Variants in ZNF629 observed in about 807,000 individuals in gnomAD.
The protein encoded by ZNF629 is DNA-binding protein.
Under a neutral mutation model 59.7 loss-of-function variants are expected in ZNF629, and 9 were observed. The observed-to-expected ratio is 0.15, with a 90% confidence interval of 0.09 to 0.26. The LOEUF (loss-of-function observed/expected upper bound fraction) is 0.26. ZNF629 is among the 10% of genes least tolerant of loss of function. ZNF629 has a pLI of 1.00. For synonymous variants in ZNF629, 509 were observed against 498.9 expected, an observed-to-expected ratio of 1.02 and a Z score of -0.27; for missense variants, 853 against 1,165.4, an observed-to-expected ratio of 0.73 and a Z score of 3.90.
At position 30,783,183 on chromosome 16, in the gene ZNF629, G is replaced by A; in HGVS notation, c.1145C>T (p.Thr382Ile). 1 of 1,608,124 alleles carries A rather than the reference G, an allele frequency of 6.2e-7. No individual in the cohort carries two copies. Reference protein sequence around the residue: ...DPFKCPVCGKTFTLSATLLRH... With the variant: ...DPFKCPVCGKIFTLSATLLRH... ...CAGCAACGTGGCGCTCAGGGTGAAG[G>A]TCTTGCCGCACACTGGGCACTTGAA... The change falls in exon 3 of 3, where the codon ACC becomes ATC. Residue 382 changes from threonine (T) to isoleucine (I), a missense_variant. By Grantham distance (89) the Thr-to-Ile change is moderately conservative. Around this residue, in one of 3 missense-constraint regions of ZNF629, gnomAD observed 201 missense variants for 536.5 expected, o/e 0.37. Coordinates refer to ENST00000262525, the MANE Select transcript of ZNF629 (RefSeq NM_001080417.3).
rs2054289799 is a variant in ZNF629, at chr16:30,782,372, C to G, written c.1956G>C (p.Gln652His). The G allele has an allele frequency of 1.9e-6, 3 of 1,581,632 alleles. No homozygotes were observed. In the African/African-American group the frequency reaches 4.0e-5, roughly 21 times the overall value. The change falls in exon 3 of 3, where the codon CAG becomes CAC. Residue 652 changes from glutamine (Q) to histidine (H), a missense_variant. Coordinates refer to ENST00000262525, the MANE Select transcript of ZNF629 (RefSeq NM_001080417.3). ...TCTTGGAGGACAGCAGCCCCCGCCT[C>G]TGGCTGAAGCCCTCCTGACCCTCCG... Reference protein sequence around the residue: ...KPPEGQEGFSQRRGLLSSKTY... With the variant: ...KPPEGQEGFSHRRGLLSSKTY...
chr16:30,782,306 G>C lies in ZNF629; in HGVS notation c.2022C>G (p.Arg674=). ...CSHCGESFLD[R]SVLLQHQLTH... is the part of the protein sequence containing the mutation. ...TGAGCTGATGCTGGAGGAGCACAGA[G>C]CGATCCAGGAAGCTCTCTCCGCAGT... The change falls in exon 3 of 3, where the codon CGC becomes CGG. Residue 674 remains arginine, a synonymous_variant. Coordinates refer to ENST00000262525, the MANE Select transcript of ZNF629 (RefSeq NM_001080417.3). The C allele has an allele frequency of 2.5e-6, 4 of 1,610,890 alleles. No homozygotes were observed. The South Asian group carries it at 4.4e-5, about 18-fold the overall frequency.
chr16:30,786,404 G>A lies in ZNF629; in HGVS notation c.-34+624C>T, dbSNP rs1002277226. On this transcript the variant is annotated intron_variant, in intron 1 of 2. Transcript: ENST00000262525. The surrounding 1 kb of genome is among the most constrained non-coding windows in gnomAD (Gnocchi z 4.8). ...TCCCCTAGTGGTCCAGAGTAGGAGGGAAAGGGTTAATGACAGGGCCGACAC... is the reference window on the plus strand; with the variant it reads ...TCCCCTAGTGGTCCAGAGTAGGAGGAAAAGGGTTAATGACAGGGCCGACAC... Among the ~76,000 whole-genome samples, 6 of 152,168 alleles carry A rather than the reference G, an allele frequency of 3.9e-5. No homozygotes were observed. The highest frequency in any genetic ancestry group is 2.0e-4 in the Admixed American group (3 of 15,290).
rs377207978 is a variant in ZNF629 at position 30,786,650 on chromosome 16, T to C, written c.-34+378A>G. Among the ~76,000 whole-genome samples the C allele has an allele frequency of 7.6e-6, 1 of 131,358 alleles. No homozygotes were observed. 86.2% of individuals were successfully genotyped at this position (131,358 alleles called of 152,430 possible). ...CCACCGCTTGGCTCCGGACTTCTGC[T>C]CCCCCGGAGCCGCGACCCCCGTCCC... On this transcript the variant is annotated intron_variant, in intron 1 of 2. Transcript: ENST00000262525. The surrounding 1 kb of genome is among the most constrained non-coding windows in gnomAD (Gnocchi z 4.8).
In ZNF629 at chr16:30,781,795, G is replaced by C; in HGVS notation, c.2533C>G (p.Pro845Ala). 6.2e-7 allele frequency: 1 copy of C among 1,611,822 alleles called. No homozygotes were observed. The highest frequency in any genetic ancestry group is 8.5e-7 in the Non-Finnish European group (1 of 1,178,820). Residue 845 changes from proline to alanine, a missense_variant, in exon 3 of 3, where the codon CCC becomes GCC. By Grantham distance (27) the Pro-to-Ala change is conservative. Transcript: ENST00000262525. ...TLVEEKPYLC[P>A]ECGAGFTEVA... ...TCTGTGAAGCCGGCTCCACACTCGG[G>C]GCACAGATAGGGCTTTTCTTCCACT...
In ZNF629 at chr16:30,784,437, C is replaced by T; in HGVS notation, c.46G>A (p.Glu16Lys). 1 of 1,567,172 alleles carries T rather than the reference C, an allele frequency of 6.4e-7. No individual in the cohort carries two copies. Among genetic ancestry groups the T allele is most frequent in the African/African-American group, 1.4e-5 (1 of 73,928 alleles). The change falls in exon 2 of 3, where the codon GAA becomes AAA. Residue 16 changes from glutamate (E) to lysine (K), a missense_variant. Around this residue, in one of 3 missense-constraint regions of ZNF629, gnomAD observed 232 missense variants for 193.4 expected, o/e 1.20. Transcript: ENST00000262525. ...ALWGPDLQGPEQSPNDAHRGA... is the reference protein window; with the variant it reads ...ALWGPDLQGPKQSPNDAHRGA... ...CTGTGAGCATCGTTGGGGCTCTGTT[C>T]CGGACCCTGCAGATCCGGGCCCCAC... is the stretch of plus-strand genomic sequence containing the variant.
Position 30,784,515 on chromosome 16 carries a change from C to G in ZNF629, c.-33G>C. ...CTCAGGACTGCAGTGTTCCAGGGAC[C>G]CTGCGGGGGAAGACAGCGATGAGCG... On this transcript the variant is annotated splice_region_variant and 5_prime_UTR_variant, in exon 2 of 3. Transcript: ENST00000262525. 6.6e-7 allele frequency: 1 copy of G among 1,509,444 alleles called. No individual in the cohort carries two copies. Among genetic ancestry groups the G allele is most frequent in the Non-Finnish European group, 8.8e-7 (1 of 1,131,392 alleles). The allele number at this position is 1,509,444 out of a possible 1,614,324, so 93.5% of individuals were successfully genotyped here. A position where few individuals can be genotyped will look rare whatever the true frequency, so the allele number is the denominator to read the frequency against.
chr16:30,784,316 CT>C (rs2054312074), intron 2 of ZNF629, 62 bp from the exon 3 acceptor site: 1 of 1,553,244 alleles, frequency 6.4e-7, no homozygotes, highest in African/African-American at 1.4e-5. Flanking sequence ...TTTGGTCTCT[CT>C]TCCCTCCCCC....
At chr16:30,785,772 G>A (rs2054326249) in intron 1 of ZNF629, among the ~76,000 whole-genome samples, 1 of 151,948 alleles carries the variant, frequency 6.6e-6, no homozygotes, top group African/African-American at 2.4e-5. Context: ...CCTAGCCCCT[G>A]GAACACCTGT....
rs778979889 is a variant in ZNF629, at chr16:30,783,746, C to T, written c.582G>A (p.Val194=). The T allele has an allele frequency of 3.7e-6, 6 of 1,611,264 alleles. No homozygotes were observed. Among genetic ancestry groups the T allele is most frequent in the East Asian group, 4.5e-5 (2 of 44,682 alleles). ...CGCCGGTGTGCGTGCGCTGGTGCTGCACCAGGTGCGAGCTCTGCGTGAAGC... is the reference window on the plus strand; with the variant it reads ...CGCCGGTGTGCGTGCGCTGGTGCTGTACCAGGTGCGAGCTCTGCGTGAAGC... ...GKSFTQSSHL[V]QHQRTHTGEK... is the part of the protein sequence containing the mutation. Residue 194 remains valine (V), a synonymous_variant, in exon 3 of 3, where the codon GTG becomes GTA. Coordinates refer to ENST00000262525, the MANE Select transcript of ZNF629 (RefSeq NM_001080417.3).
At position 30,783,177 on chromosome 16, in the gene ZNF629, G is replaced by A; in HGVS notation, c.1151C>T (p.Thr384Ile). ...GTGCCGCAGCAACGTGGCGCTCAGGGTGAAGGTCTTGCCGCACACTGGGCA... is the reference window on the plus strand; with the variant it reads ...GTGCCGCAGCAACGTGGCGCTCAGGATGAAGGTCTTGCCGCACACTGGGCA... ...FKCPVCGKTF[T>I]LSATLLRHQR... Residue 384 changes from threonine to isoleucine, a missense_variant, in exon 3 of 3, where the codon ACC becomes ATC. Transcript: ENST00000262525. 3 of 1,609,374 alleles carry A rather than the reference G, an allele frequency of 1.9e-6. No individual in the cohort carries two copies. Among genetic ancestry groups the A allele is most frequent in the Non-Finnish European group, 2.5e-6 (3 of 1,178,430 alleles).
chr16:30,782,090 T>C lies in ZNF629; in HGVS notation c.2238A>G (p.Pro746=). 1 of 1,595,384 alleles carries C rather than the reference T, an allele frequency of 6.3e-7. No homozygotes were observed. The highest frequency in any genetic ancestry group is 1.3e-5 in the African/African-American group (1 of 74,366). ...GGACGGAAGAGCTCTTCCCCAGCTC[T>C]GGACTCTTCTGGGAGCTCTTCCCGC... The part of the protein sequence containing the change: ...HAGGKSSQKS[P]ELGKSSSVLL... The change falls in exon 3 of 3, where the codon CCA becomes CCG. Residue 746 remains proline (P), a synonymous_variant. Coordinates refer to ENST00000262525, the MANE Select transcript of ZNF629 (RefSeq NM_001080417.3).
At chr16:30,785,763 C>T (rs1211993349) in intron 1 of ZNF629, among the ~76,000 whole-genome samples, 2 of 152,036 alleles carry the variant, frequency 1.3e-5, no homozygotes, top group Admixed American at 1.3e-4. Context: ...TGAGATGTCC[C>T]TAGCCCCTGG....
chr16:30,784,785 C>A (rs1262399089), intron 1 of ZNF629, among the ~76,000 whole-genome samples: 3 of 152,248 alleles, frequency 2.0e-5, no homozygotes, highest in Admixed American at 2.0e-4. Flanking sequence ...GCCTTTGAAC[C>A]CAGGATGGGG....
rs1596780477 is a variant in ZNF629 at position 30,784,339 on chromosome 16, A to G, written c.73+71T>C. 3 of 1,546,394 alleles carry G rather than the reference A, an allele frequency of 1.9e-6. No homozygotes were observed. The East Asian group carries it at 7.2e-5, about 37-fold the overall frequency. ...CTCTTCCCTCCCCCGGGTGTCCCCC[A>G]GAGTCCAGGCCCCTCCCTGAGCCGG... is the stretch of plus-strand genomic sequence containing the variant. On this transcript the variant is annotated intron_variant, in intron 2 of 2. Transcript: ENST00000262525.
In ZNF629 at chr16:30,782,210, G is replaced by T. The variant is rs753282249; in HGVS notation, c.2118C>A (p.Ser706Arg). ...RIGLGEGAGP[S>R]PFLSGKPFKC... The stretch of plus-strand genomic sequence containing the variant: ...TAAAGGGCTTCCCACTTAAGAAGGG[G>T]CTGGGCCCTGCGCCTTCCCCTAGGC... The change falls in exon 3 of 3, where the codon AGC becomes AGA. Residue 706 changes from serine (S) to arginine (R), a missense_variant. Around this residue, in one of 3 missense-constraint regions of ZNF629, gnomAD observed 420 missense variants for 435.6 expected, o/e 0.96. Coordinates refer to ENST00000262525, the MANE Select transcript of ZNF629 (RefSeq NM_001080417.3). 2 of 1,613,660 alleles carry T rather than the reference G, an allele frequency of 1.2e-6. No homozygotes were observed. The highest frequency in any genetic ancestry group is 1.7e-6 in the Non-Finnish European group (2 of 1,179,880).
rs1266840566 is a variant in ZNF629 at position 30,782,493 on chromosome 16, G to A, written c.1835C>T (p.Pro612Leu). 1 of 1,566,538 alleles carries A rather than the reference G, an allele frequency of 6.4e-7. No homozygotes were observed. The highest frequency in any genetic ancestry group is 8.7e-7 in the Non-Finnish European group (1 of 1,155,094). Reference sequence around the variant, plus strand: ...AGGGAGCCTTGGGGATCGTAACTGAGGAGGTTTGGGGGCTGCGTGTGCGAT... The same window carrying A: ...AGGGAGCCTTGGGGATCGTAACTGAAGAGGTTTGGGGGCTGCGTGTGCGAT... ...GLIAHAAPKP[P>L]QLRSPRLPFR... Residue 612 changes from proline to leucine, a missense_variant, in exon 3 of 3, where the codon CCT (proline) becomes CTT (leucine). Coordinates refer to ENST00000262525, the MANE Select transcript of ZNF629 (RefSeq NM_001080417.3).
In ZNF629 at chr16:30,781,217, C is replaced by T. The variant is rs1031175588; in HGVS notation, c.*501G>A. The T allele has an allele frequency of 2.6e-5, 4 of 152,404 alleles. No homozygotes were observed. The highest frequency in any genetic ancestry group is 2.6e-4 in the Admixed American group (4 of 15,272). The allele number at this position is 152,404 out of a possible 1,614,324, so 9.4% of individuals were successfully genotyped here. A position where few individuals can be genotyped will look rare whatever the true frequency, so the allele number is the denominator to read the frequency against. On this transcript the variant is annotated 3_prime_UTR_variant, in exon 3 of 3. Coordinates refer to ENST00000262525, the MANE Select transcript of ZNF629 (RefSeq NM_001080417.3). ...AGCTGAGCATCTTCCTCCATGAGAA[C>T]TGTCCAGGGCTGCTGGGAGAGAACA...
At position 30,783,784 on chromosome 16, in the gene ZNF629, C is replaced by T. The variant is rs1187510809; in HGVS notation, c.544G>A (p.Glu182Lys). 1 of 1,613,596 alleles carries T rather than the reference C, an allele frequency of 6.2e-7. No individual in the cohort carries two copies. The highest frequency in any genetic ancestry group is 8.5e-7 in the Non-Finnish European group (1 of 1,179,900). The change falls in exon 3 of 3, where the codon GAG becomes AAG. Residue 182 changes from glutamate (E) to lysine (K), a missense_variant. By Grantham distance (56) the Glu-to-Lys change is moderately conservative. Around this residue, in one of 3 missense-constraint regions of ZNF629, gnomAD observed 201 missense variants for 536.5 expected, o/e 0.37. Transcript: ENST00000262525. ...CTCTGCGTGAAGCTCTTGCCGCACT[C>T]GGAGCAGGTGTTGGGCCGCTCTCCC... The part of the protein sequence containing the change: ...HTGERPNTCS[E>K]CGKSFTQSSH...
Sources: gnomAD v4.1 joint callset for allele counts (sites outside exome capture counted in the v4.1 genomes callset) on GRCh38, gnomAD v4.1.1 for gene constraint, gnomAD v4.1.1 regional missense constraint, Gnocchi (gnomAD v3.1) non-coding constraint, MANE v1.5 for transcripts, NCBI Gene and HGNC (gene_info 2026-07-23, HGNC 2026-07-21) for gene names.